Variants in SLC25A21 observed in about 807,000 individuals in gnomAD.
SLC25A21 encodes the protein solute carrier family 25 member 21.
SLC25A21 carries 47 observed loss-of-function variants against 43.8 expected under a neutral mutation model. That is an observed-to-expected ratio of 1.07 (90% confidence interval 0.85 to 1.37). The LOEUF is 1.37. SLC25A21 is among the 40% of genes most tolerant of loss of function. The pLI is 0.00. For synonymous variants in SLC25A21, 131 were observed against 121.3 expected (o/e 1.08, Z -0.52); for missense variants, 352 against 350.2 (o/e 1.00, Z -0.04).
At chr14:37,026,790 G>T (rs978831593) in intron 1 of SLC25A21, among the ~76,000 whole-genome samples, 1 of 152,236 alleles carries the variant, frequency 6.6e-6, no homozygotes, top group African/African-American at 2.4e-5. Context: ...GTTAAGAAGT[G>T]CTGGTCTATG....
At chr14:36,751,620 T>C (rs1885711764) in intron 3 of SLC25A21, among the ~76,000 whole-genome samples, 1 of 152,242 alleles carries the variant, frequency 6.6e-6, no homozygotes, top group Non-Finnish European at 1.5e-5. Context: ...ATATAATCTA[T>C]ACTTTTCATT....
intron 1 of SLC25A21, among the ~76,000 whole-genome samples, chr14:36,941,062 A>G (rs545950932): frequency 6.6e-6 from 1 of 152,254 alleles, no homozygotes; most frequent in South Asian, 2.1e-4. Flanking sequence ...AGTATATATT[A>G]TATCTACATA....
chr14:36,808,745 A>T (rs1252673012), intron 3 of SLC25A21: 2 of 152,266 alleles, frequency 1.3e-5, no homozygotes, highest in Admixed American at 6.5e-5. Flanking sequence ...ATAAAAATTT[A>T]TGCAAAAAAA....
chr14:37,001,249 T>C (rs1960482555), intron 1 of SLC25A21, among the ~76,000 whole-genome samples: 1 of 152,196 alleles, frequency 6.6e-6, no homozygotes, highest in Non-Finnish European at 1.5e-5. Flanking sequence ...TGGATAAGAA[T>C]ATGCTAAATG....
At chr14:36,751,440 G>C (rs1291735082) in intron 3 of SLC25A21, among the ~76,000 whole-genome samples, 1 of 152,174 alleles carries the variant, frequency 6.6e-6, no homozygotes, top group Non-Finnish European at 1.5e-5. Context: ...TTGATTTTTA[G>C]AGAAGCAACA....
chr14:36,800,518 G>GAT (rs1308326174), intron 3 of SLC25A21, among the ~76,000 whole-genome samples: 1 of 152,150 alleles, frequency 6.6e-6, no homozygotes, highest in Non-Finnish European at 1.5e-5. Context: ...ACTTACATGA[G>GAT]ATACCTAGAG....
intron 4 of SLC25A21, among the ~76,000 whole-genome samples, chr14:36,731,445 A>T (rs1054497022): frequency 6.6e-6 from 1 of 152,200 alleles, no homozygotes; most frequent in Non-Finnish European, 1.5e-5. Context: ...CTTACCTTTT[A>T]GATTATCATT....
intron 1 of SLC25A21, among the ~76,000 whole-genome samples, chr14:36,906,455 C>T (rs1315631172): frequency 6.6e-6 from 1 of 151,316 alleles, no homozygotes; most frequent in Admixed American, 6.6e-5. Context: ...GACTCTAATG[C>T]ATGGATGATG....
chr14:36,836,231 T>C (rs944445152), intron 2 of SLC25A21, among the ~76,000 whole-genome samples: 1 of 152,356 alleles, frequency 6.6e-6, no homozygotes, highest in African/African-American at 2.4e-5. Flanking sequence ...TGAGAACAGC[T>C]ACTTCTGTTG....
At chr14:36,879,205 C>T (rs1820207225) in intron 1 of SLC25A21, among the ~76,000 whole-genome samples, 1 of 152,108 alleles carries the variant, frequency 6.6e-6, no homozygotes, top group Admixed American at 6.6e-5. Context: ...CAAAACATAA[C>T]CACATGACAG....
At chr14:37,040,427 G>GAAAGAAAGAAAGA (rs1961444141) in intron 1 of SLC25A21, among the ~76,000 whole-genome samples, 1 of 101,124 alleles carries the variant, frequency 9.9e-6, no homozygotes. Context: ...AAGAAAGAAA[G>GAAAGAAAGAAAGA]AAAGAAAGAA....
intron 1 of SLC25A21, among the ~76,000 whole-genome samples, chr14:36,896,930 C>T (rs922687390): frequency 6.6e-6 from 1 of 152,190 alleles, no homozygotes; most frequent in Non-Finnish European, 1.5e-5. Flanking sequence ...ATGGGCTTCC[C>T]TTTGTGGGTA....
chr14:36,754,222 C>A (rs114076786), intron 3 of SLC25A21, among the ~76,000 whole-genome samples: 2,126 of 152,120 alleles, frequency 0.014, 38 homozygotes, highest in African/African-American at 0.047. Context: ...GGGTCTCATC[C>A]AATCAGTTGA....
intron 2 of SLC25A21, among the ~76,000 whole-genome samples, chr14:36,867,677 A>G (rs1308369667): frequency 6.6e-6 from 1 of 152,006 alleles, no homozygotes; most frequent in Non-Finnish European, 1.5e-5. Context: ...CATAGTAAAC[A>G]CTTCCCCCTC....
intron 1 of SLC25A21, among the ~76,000 whole-genome samples, chr14:37,132,581 C>T (rs1963409020): frequency 6.6e-6 from 1 of 152,146 alleles, no homozygotes; most frequent in Non-Finnish European, 1.5e-5. Context: ...GTAACTTTAG[C>T]TTCCACGGCA....
intron 5 of SLC25A21, 33 bp from the exon 6 acceptor site, chr14:36,725,710 C>G (rs753568295): frequency 2.7e-6 from 4 of 1,459,242 alleles, no homozygotes; most frequent in African/African-American, 2.8e-5. Context: ...TACTTTAAAA[C>G]AAGTTATCAT....
intron 1 of SLC25A21, among the ~76,000 whole-genome samples, chr14:36,931,568 A>C (rs1328963483): frequency 1.3e-5 from 2 of 152,118 alleles, no homozygotes; most frequent in Admixed American, 1.3e-4. Context: ...AGGACATTAT[A>C]TTTTCTTGTG....
intron 1 of SLC25A21, among the ~76,000 whole-genome samples, chr14:37,139,681 T>G (rs1963538666): frequency 6.6e-6 from 1 of 152,140 alleles, no homozygotes. Context: ...TTTAACTGAC[T>G]CCTATGTTAC....
intron 1 of SLC25A21, among the ~76,000 whole-genome samples, chr14:37,045,579 A>G (rs1334685392): frequency 6.6e-6 from 1 of 152,212 alleles, no homozygotes; most frequent in Non-Finnish European, 1.5e-5. Flanking sequence ...TAATTCTCCA[A>G]AGTCTCAAGC....
Sources: gnomAD v4.1 joint callset for allele counts (sites outside exome capture counted in the v4.1 genomes callset) on GRCh38, gnomAD v4.1.1 for gene constraint, MANE v1.5 for transcripts, NCBI Gene and HGNC (gene_info 2026-07-23, HGNC 2026-07-21) for gene names.